CD8B: variants seen among roughly 807,000 people sequenced by gnomAD.
CD8B encodes the protein CD8 subunit beta.
A neutral mutation model predicts 24.2 loss-of-function variants in CD8B; 6 were observed. The ratio of observed to expected loss-of-function variants is 0.25; its 90% CI spans 0.14 to 0.49. The LOEUF is 0.49. Ranked by LOEUF, CD8B falls within the 20% of genes least tolerant of loss-of-function variation. The pLI is 0.98. For synonymous variants in CD8B, 84 were observed against 108.3 expected, an observed-to-expected ratio of 0.78 and a Z score of 1.39; for missense variants, 196 against 271.3, an observed-to-expected ratio of 0.72 and a Z score of 1.95.
At chr2:86,846,380 C>CT (rs1675676557) in intron 4 of CD8B, among the ~76,000 whole-genome samples, 2 of 152,110 alleles carry the variant, frequency 1.3e-5, no homozygotes, top group African/African-American at 4.8e-5. Context: ...AACAGCAACT[C>CT]TGGGAGGTAG....
At chr2:86,852,413 A>G (rs949928464) in intron 3 of CD8B, among the ~76,000 whole-genome samples, 1 of 152,102 alleles carries the variant, frequency 6.6e-6, no homozygotes, top group Non-Finnish European at 1.5e-5. Context: ...TTGTGCAACC[A>G]TTATCATAAT....
downstream of CD8B, among the ~76,000 whole-genome samples, chr2:86,833,719 T>C (rs1361322258): frequency 6.9e-6 from 1 of 145,768 alleles, no homozygotes; most frequent in Non-Finnish European, 1.5e-5. Context: ...TGGAGTGCAG[T>C]GGCTTGCTGT....
chr2:86,854,230 C>T (rs1676119273), intron 2 of CD8B, among the ~76,000 whole-genome samples: 3 of 152,064 alleles, frequency 2.0e-5, no homozygotes, highest in Admixed American at 2.0e-4. Flanking sequence ...AGACCTTGAG[C>T]CCCAGGGCTG....
downstream of CD8B, among the ~76,000 whole-genome samples, chr2:86,835,448 G>A (rs529649768): frequency 9.9e-5 from 15 of 152,132 alleles, no homozygotes; most frequent in African/African-American, 2.2e-4. Flanking sequence ...AGGCAGGCCC[G>A]CCTTTTGTGC....
chr2:86,856,618 G>A (rs1676276341), intron 2 of CD8B, among the ~76,000 whole-genome samples: 1 of 151,850 alleles, frequency 6.6e-6, no homozygotes, highest in Admixed American at 6.6e-5. Flanking sequence ...GTGCCCTCAA[G>A]TGAGCAGGAA....
At chr2:86,831,932 A>T (rs1014730256) in intron 5 of CD8B, among the ~76,000 whole-genome samples, 1 of 152,254 alleles carries the variant, frequency 6.6e-6, no homozygotes, top group East Asian at 1.9e-4. Flanking sequence ...CAGTAACTTC[A>T]TTGTGCCTGT....
chr2:86,851,826 T>C (rs185005275), intron 3 of CD8B, among the ~76,000 whole-genome samples: 2 of 152,294 alleles, frequency 1.3e-5, no homozygotes, highest in East Asian at 3.9e-4. Context: ...CATGGGCATG[T>C]GTGTCTGTGT....
rs1229438990 is a variant in CD8B, at chr2:86,838,921, A to G, written c.*3386T>C. The stretch of plus-strand genomic sequence containing the variant: ...ATCTATATCCATAGCTCTAAAGTCA[A>G]CATATCTGAGTGTACAGCTTGATGA... On this transcript the variant is annotated 3_prime_UTR_variant, in exon 6 of 6. Coordinates refer to ENST00000390655, the MANE Select transcript of CD8B (RefSeq NM_004931.5). Among the ~76,000 whole-genome samples the G allele has an allele frequency of 6.6e-6, 1 of 152,236 alleles. No homozygotes were observed. Among genetic ancestry groups the G allele is most frequent in the Non-Finnish European group, 1.5e-5 (1 of 68,038 alleles).
chr2:86,815,726 A>G (rs1375136256), intron 5 of CD8B: 1 of 1,448,364 alleles, frequency 6.9e-7, no homozygotes, highest in South Asian at 1.1e-5. Flanking sequence ...GGCCTTGCAA[A>G]AAGAAAAACA....
chr2:86,821,702 C>T (rs75023142), intron 5 of CD8B: 1 of 434,500 alleles, frequency 2.3e-6, no homozygotes, highest in East Asian at 7.4e-5. Flanking sequence ...CATTTTCCTT[C>T]CCTAGGTGAA....
Position 86,841,326 on chromosome 2 carries a change from C to G in CD8B, c.*981G>C. Among the ~76,000 whole-genome samples, 1 of 148,446 alleles carries G rather than the reference C, an allele frequency of 6.7e-6. No individual in the cohort carries two copies. Among genetic ancestry groups the G allele is most frequent in the Non-Finnish European group, 1.5e-5 (1 of 67,358 alleles). ...AGCCAGGGATCCCTGCGGTTCAACC[C>G]GCGGTAGAAATGAACACGTGCTAGT... On this transcript the variant is annotated 3_prime_UTR_variant, in exon 6 of 6. Transcript: ENST00000390655.
At chr2:86,834,399 A>G (rs1675082290), downstream of CD8B, among the ~76,000 whole-genome samples, 5 of 152,190 alleles carry the variant, frequency 3.3e-5, no homozygotes. Context: ...AACTCATGCT[A>G]TGAAAAAGAT....
intron 5 of CD8B, among the ~76,000 whole-genome samples, chr2:86,828,316 G>T (rs2104509878): frequency 6.6e-6 from 1 of 152,086 alleles, no homozygotes; most frequent in Non-Finnish European, 1.5e-5. Context: ...TTGTGTGTGT[G>T]TGTGTGTGTG....
At chr2:86,832,392 C>T (rs112338311) in intron 5 of CD8B, among the ~76,000 whole-genome samples, 48,976 of 151,392 alleles carry the variant, frequency 0.32, 8,400 homozygotes, top group Non-Finnish European at 0.39. Flanking sequence ...GCGGGAGAAT[C>T]GCATGAACCC....
At chr2:86,851,668 C>T (rs577980108) in intron 3 of CD8B, among the ~76,000 whole-genome samples, 21 of 152,160 alleles carry the variant, frequency 1.4e-4, no homozygotes, top group Non-Finnish European at 2.5e-4. Context: ...CTGAGCAGTG[C>T]GAGGCAGTGC....
At chr2:86,833,146 CT>C in intron 5 of CD8B, 1 of 252,358 alleles carries the variant, frequency 4.0e-6, no homozygotes, top group Non-Finnish European at 8.2e-6. Context: ...CTGCATCCTG[CT>C]TTTCCTCCTT....
rs147376390 is a variant in CD8B, at chr2:86,830,126, C to T, written c.621-14408G>A. ...TCACCTAGGCTGGAGTGCAGTGGTA[C>T]GATCCTGGCACACTGCAGCCTCAGC... On this transcript the variant is annotated intron_variant, in intron 5 of 5. Transcript: ENST00000331469. Among the ~76,000 whole-genome samples, 51 of 152,102 alleles carry T rather than the reference C, an allele frequency of 3.4e-4. No individual in the cohort carries two copies. In the East Asian group the frequency reaches 8.0e-3, roughly 24 times the overall value.
At chr2:86,835,936 G>A (rs1319776623), downstream of CD8B, among the ~76,000 whole-genome samples, 4 of 151,982 alleles carry the variant, frequency 2.6e-5, no homozygotes, top group Non-Finnish European at 5.9e-5. Flanking sequence ...GTGTCCCCCC[G>A]GTCATGAGAA....
At chr2:86,855,707 C>T (rs1403219278) in intron 2 of CD8B, among the ~76,000 whole-genome samples, 1 of 152,204 alleles carries the variant, frequency 6.6e-6, no homozygotes, top group Non-Finnish European at 1.5e-5. Context: ...GGGAGTGTTG[C>T]CTCCTTCAAT....
Sources: gnomAD v4.1 joint callset for allele counts (sites outside exome capture counted in the v4.1 genomes callset) on GRCh38, gnomAD v4.1.1 for gene constraint, MANE v1.5 for transcripts, NCBI Gene and HGNC (gene_info 2026-07-23, HGNC 2026-07-21) for gene names.